Variants in TSHZ1 observed in about 807,000 individuals in gnomAD.
TSHZ1 encodes the protein teashirt zinc finger homeobox 1.
In TSHZ1, 12 loss-of-function variants were observed where a neutral mutation model predicts 67.1. That is an observed-to-expected ratio of 0.18 (90% CI 0.11 to 0.29). The LOEUF is 0.29. Ranked by LOEUF, TSHZ1 falls within the 10% of genes least tolerant of loss-of-function variation. The probability of loss-of-function intolerance (pLI) is 1.00; values close to 1 mark genes in which losing one functional copy is unlikely to be tolerated. For missense variants in TSHZ1, 1,305 were observed against 1,413.9 expected (o/e 0.92, Z 1.23); for synonymous variants, 632 against 622.4 (o/e 1.02, Z -0.23).
At chr18:75,216,983 G>A (rs9954935) in intron 1 of TSHZ1, among the ~76,000 whole-genome samples, 2 of 152,222 alleles carry the variant, frequency 1.3e-5, no homozygotes, top group African/African-American at 2.4e-5. Flanking sequence ...GCCCTGTGCC[G>A]CCTGATCATG....
intron 1 of TSHZ1, among the ~76,000 whole-genome samples, chr18:75,228,395 A>G (rs910631612): frequency 6.6e-6 from 1 of 152,210 alleles, no homozygotes; most frequent in African/African-American, 2.4e-5. Context: ...GGACCCTGAT[A>G]GGGTTAGAAA....
rs1045053350 is a variant in TSHZ1 at position 75,281,438 on chromosome 18, C to A, written c.41-4010C>A. Among the ~76,000 whole-genome samples, 1 of 152,130 alleles carries A rather than the reference C, an allele frequency of 6.6e-6. No homozygotes were observed. The highest frequency in any genetic ancestry group is 1.5e-5 in the Non-Finnish European group (1 of 68,016). ...CACAACGTAGGTGTGATGTGGAGCA[C>A]CCGTGTCACATTAGATCTGTGGCAG... On this transcript the variant is annotated intron_variant, in intron 1 of 1. Coordinates refer to ENST00000580243, the MANE Select transcript of TSHZ1 (RefSeq NM_001308210.2). This position sits in a 1 kb window ranked among gnomAD's most constrained non-coding sequence, Gnocchi z 5.3.
At position 75,259,662 on chromosome 18, in the gene TSHZ1, T is replaced by C. The variant is rs531441734; in HGVS notation, c.41-25786T>C. 2.6e-5 allele frequency among the ~76,000 whole-genome samples: 4 copies of C among 152,334 alleles called. No individual in the cohort carries two copies. In the South Asian group the frequency reaches 8.3e-4, roughly 32 times the overall value. On this transcript the variant is annotated intron_variant, in intron 1 of 1. Coordinates refer to ENST00000580243, the MANE Select transcript of TSHZ1 (RefSeq NM_001308210.2). ...TAGTTATGATTGTCCTATTTTATTA[T>C]AATTGTTAATCTCTTACTGTGGCAA...
intron 1 of TSHZ1, among the ~76,000 whole-genome samples, chr18:75,226,161 A>G (rs527448893): frequency 6.6e-6 from 1 of 152,368 alleles, no homozygotes; most frequent in African/African-American, 2.4e-5. Context: ...AATGTCTTGC[A>G]TATTCAAAGC....
intron 1 of TSHZ1, among the ~76,000 whole-genome samples, chr18:75,231,717 T>A (rs2023001345): frequency 6.6e-6 from 1 of 151,968 alleles, no homozygotes; most frequent in Non-Finnish European, 1.5e-5. Flanking sequence ...GTATTTTTAG[T>A]AGAGACAGGG....
intron 1 of TSHZ1, among the ~76,000 whole-genome samples, chr18:75,266,741 T>A (rs981347301): frequency 6.6e-6 from 1 of 152,238 alleles, no homozygotes; most frequent in Non-Finnish European, 1.5e-5. Context: ...CTGCAGGAGC[T>A]GGGCGCTGAG....
intron 1 of TSHZ1, chr18:75,280,950 A>ATC (rs2023677036): frequency 2.3e-6 from 1 of 432,768 alleles, no homozygotes; most frequent in Admixed American, 6.4e-5. Context: ...AGAGTCGGGG[A>ATC]GGGCTGGCAT....
In TSHZ1 at chr18:75,237,792, A is replaced by T. The variant is rs7238253; in HGVS notation, c.40+25876A>T. Among the ~76,000 whole-genome samples, 256 of 32,166 alleles carry T rather than the reference A, an allele frequency of 8.0e-3. 1 individual carries two copies. The highest frequency in any genetic ancestry group is 0.04 in the East Asian group (55 of 1,378). The allele number at this position is 32,166 out of a possible 152,430, so 21.1% of individuals were successfully genotyped here. On this transcript the variant is annotated intron_variant, in intron 1 of 1. Coordinates refer to ENST00000580243, the MANE Select transcript of TSHZ1 (RefSeq NM_001308210.2). ...ATTAGACTGAAGCCTTCTTTCTTTCATTTATTTATTTATTTATTTATTTAT... is the reference window on the plus strand; with the variant it reads ...ATTAGACTGAAGCCTTCTTTCTTTCTTTTATTTATTTATTTATTTATTTAT...
Position 75,211,506 on chromosome 18 carries a change from A to T in TSHZ1, c.-371A>T, listed in dbSNP as rs537116683. The T allele has an allele frequency of 2.1e-5, 3 of 145,980 alleles. No individual in the cohort carries two copies. The South Asian group carries it at 6.4e-4, about 31-fold the overall frequency. The allele number at this position is 145,980 out of a possible 1,614,324, so 9.0% of individuals were successfully genotyped here. ...CCGGGAGGAGCGCCCGCCCAGCAGC[A>T]GCGCGGCGGCGGGGAGGCGGCAGCA... is the stretch of plus-strand genomic sequence containing the variant. On this transcript the variant is annotated 5_prime_UTR_variant, in exon 1 of 2. Transcript: ENST00000580243.
Position 75,286,705 on chromosome 18 carries a change from C to T in TSHZ1, c.1298C>T (p.Ala433Val), listed in dbSNP as rs200472754. ...CACGACACGCTGCAGCAGCTCACCG[C>T]CCACATGATGGTCACCGGGCACTTC... ...SSHDTLQQLT[A>V]HMMVTGHFLK... The change falls in exon 2 of 2, where the codon GCC becomes GTC. Residue 433 changes from alanine to valine, a missense_variant. Around this residue, in one of 3 missense-constraint regions of TSHZ1, gnomAD observed 909 missense variants for 961.8 expected, o/e 0.95. Coordinates refer to ENST00000580243, the MANE Select transcript of TSHZ1 (RefSeq NM_001308210.2). The surrounding 1 kb of genome is among the most constrained non-coding windows in gnomAD (Gnocchi z 5.1). The T allele has an allele frequency of 7.4e-5, 119 of 1,613,958 alleles. No homozygotes were observed. Among genetic ancestry groups the T allele is most frequent in the Non-Finnish European group, 7.5e-5 (88 of 1,180,048 alleles).
At chr18:75,267,243 T>A (rs2023500179) in intron 1 of TSHZ1, among the ~76,000 whole-genome samples, 1 of 152,214 alleles carries the variant, frequency 6.6e-6, no homozygotes, top group South Asian at 2.1e-4. Context: ...AGCCGTCTTT[T>A]TCCGAGTTGA....
intron 1 of TSHZ1, among the ~76,000 whole-genome samples, chr18:75,267,822 C>T (rs949946652): frequency 3.9e-5 from 6 of 152,202 alleles, no homozygotes; most frequent in African/African-American, 1.4e-4. Flanking sequence ...TCCTGTATGA[C>T]ATTTTACATC....
Position 75,288,873 on chromosome 18 carries a change from G to A in TSHZ1, c.*232G>A, listed in dbSNP as rs2023824041. 1.9e-6 allele frequency: 1 copy of A among 533,430 alleles called. No individual in the cohort carries two copies. The allele number at this position is 533,430 out of a possible 1,614,324, so 33.0% of individuals were successfully genotyped here. A position where few individuals can be genotyped will look rare whatever the true frequency, so the allele number is the denominator to read the frequency against. On this transcript the variant is annotated 3_prime_UTR_variant, in exon 2 of 2. Coordinates refer to ENST00000580243, the MANE Select transcript of TSHZ1 (RefSeq NM_001308210.2). This position sits in a 1 kb window ranked among gnomAD's most constrained non-coding sequence, Gnocchi z 4.9. ...CCTTTATTTTCAACATCTGTTCTTG[G>A]TGTTAAGCTATCTTTTGTAGGAAAT... is the stretch of plus-strand genomic sequence containing the variant.
At position 75,216,531 on chromosome 18, in the gene TSHZ1, G is replaced by A. The variant is rs986038629; in HGVS notation, c.40+4615G>A. 1.4e-4 allele frequency among the ~76,000 whole-genome samples: 21 copies of A among 152,144 alleles called. 1 individual carries two copies. Among genetic ancestry groups the A allele is most frequent in the Admixed American group, 1.2e-3 (18 of 15,278 alleles). On this transcript the variant is annotated intron_variant, in intron 1 of 1. Coordinates refer to ENST00000580243, the MANE Select transcript of TSHZ1 (RefSeq NM_001308210.2). Reference sequence around the variant, plus strand: ...TGTAGTATCTATACAGGCCGATAACGAAAACTGTTTCACTGTAAGACCATT... The same window carrying A: ...TGTAGTATCTATACAGGCCGATAACAAAAACTGTTTCACTGTAAGACCATT...
chr18:75,252,691 A>G (rs762595662), intron 1 of TSHZ1, among the ~76,000 whole-genome samples: 167 of 152,114 alleles, frequency 1.1e-3, no homozygotes, highest in Non-Finnish European at 1.5e-3. Flanking sequence ...CCTAATTGGA[A>G]TTCTAAATGC....
At chr18:75,262,385 T>G (rs1223662031) in intron 1 of TSHZ1, among the ~76,000 whole-genome samples, 2 of 152,212 alleles carry the variant, frequency 1.3e-5, no homozygotes, top group Non-Finnish European at 2.9e-5. Context: ...TCTATATTTT[T>G]TCTTTTATTT....
chr18:75,288,731 C>A lies in TSHZ1; in HGVS notation c.*90C>A. On this transcript the variant is annotated 3_prime_UTR_variant, in exon 2 of 2. Transcript: ENST00000580243. The surrounding 1 kb of genome is among the most constrained non-coding windows in gnomAD (Gnocchi z 4.9). ...CCTGAGCCTCTGAAATCAGTCTTTCCTTTGTTGCTGGCCCGCCTCTCTGGA... is the reference window on the plus strand; with the variant it reads ...CCTGAGCCTCTGAAATCAGTCTTTCATTTGTTGCTGGCCCGCCTCTCTGGA... The A allele has an allele frequency of 6.7e-7, 1 of 1,503,132 alleles. No individual in the cohort carries two copies. The highest frequency in any genetic ancestry group is 8.9e-7 in the Non-Finnish European group (1 of 1,129,242). 93.1% of individuals were successfully genotyped at this position (1,503,132 alleles called of 1,614,324 possible).
intron 1 of TSHZ1, among the ~76,000 whole-genome samples, chr18:75,270,811 T>A (rs1162397388): frequency 6.6e-6 from 1 of 152,352 alleles, no homozygotes; most frequent in East Asian, 1.9e-4. Flanking sequence ...TAGATTTTTT[T>A]AATGTATTTT....
At chr18:75,277,647 T>C (rs1376804654) in intron 1 of TSHZ1, among the ~76,000 whole-genome samples, 2 of 152,084 alleles carry the variant, frequency 1.3e-5, no homozygotes, top group Non-Finnish European at 2.9e-5. Flanking sequence ...CTGGAGCCTT[T>C]TAAAAAATAA....
Sources: gnomAD v4.1 joint callset for allele counts (sites outside exome capture counted in the v4.1 genomes callset) on GRCh38, gnomAD v4.1.1 for gene constraint, gnomAD v4.1.1 regional missense constraint, Gnocchi (gnomAD v3.1) non-coding constraint, MANE v1.5 for transcripts, NCBI Gene and HGNC (gene_info 2026-07-23, HGNC 2026-07-21) for gene names.